Variants in ECRG4 observed in about 807,000 individuals in gnomAD.
ECRG4 encodes ECRG4 augurin precursor, also known as augurin.
ECRG4 carries 18 observed loss-of-function variants against 15.8 expected under a neutral mutation model. That is an observed-to-expected ratio of 1.14 (90% CI 0.79 to 1.69). The LOEUF is 1.69. Among genes scored for constraint, ECRG4 ranks in the 40% most tolerant of loss-of-function variants. The pLI is 0.00. For missense variants in ECRG4, 200 were observed against 190.9 expected (o/e 1.05, Z -0.28); for synonymous variants, 82 against 73.9 (o/e 1.11, Z -0.56).
chr2:106,077,747 C>T lies in ECRG4; in HGVS notation c.286-18C>T. ...GACCTTAAATCCATTCTCTATCATT[C>T]TCTCTCTTTTCCTCCAGAAATTTGA... On this transcript the variant is annotated intron_variant, in intron 3 of 3. Coordinates refer to ENST00000238044, the MANE Select transcript of ECRG4 (RefSeq NM_032411.3). The T allele has an allele frequency of 6.2e-7, 1 of 1,611,466 alleles. No homozygotes were observed. The highest frequency in any genetic ancestry group is 8.5e-7 in the Non-Finnish European group (1 of 1,177,946).
In ECRG4 at chr2:106,074,448, T is replaced by C. The variant is rs182450246; in HGVS notation, c.285+405T>C. 4.6e-5 allele frequency among the ~76,000 whole-genome samples: 7 copies of C among 152,274 alleles called. 1 individual carries two copies. Among genetic ancestry groups the C allele is most frequent in the Admixed American group, 4.6e-4 (7 of 15,304 alleles). On this transcript the variant is annotated intron_variant, in intron 3 of 3. Transcript: ENST00000238044. ...GAAACAACAGGGATGCCGGGATCTATGATGATAATGAAAAGAGATGAAAAG... is the reference window on the plus strand; with the variant it reads ...GAAACAACAGGGATGCCGGGATCTACGATGATAATGAAAAGAGATGAAAAG...
chr2:106,069,833 C>T (rs1281353574), intron 1 of ECRG4, among the ~76,000 whole-genome samples: 4 of 152,118 alleles, frequency 2.6e-5, no homozygotes, highest in African/African-American at 9.7e-5. Flanking sequence ...GATGGAACAG[C>T]GACAGGACAG....
chr2:106,075,634 A>C (rs756533948), intron 3 of ECRG4, among the ~76,000 whole-genome samples: 7 of 152,218 alleles, frequency 4.6e-5, no homozygotes, highest in Non-Finnish European at 7.3e-5. Flanking sequence ...AGACAGGAGA[A>C]TCCTTCGAAC....
intron 1 of ECRG4, chr2:106,070,905 C>T (rs913973286): frequency 4.5e-5 from 21 of 471,140 alleles, no homozygotes; most frequent in Middle Eastern, 3.2e-4. Flanking sequence ...TTGCTCTACT[C>T]ACTACTTACG....
At chr2:106,065,679 C>A, upstream of ECRG4, 3 of 1,073,154 alleles carry the variant, frequency 2.8e-6, no homozygotes, top group African/African-American at 1.7e-5. Flanking sequence ...GCCGCGCCTG[C>A]CCGCTCGCAC....
chr2:106,065,929 C>A, intron 1 of ECRG4, 86 bp downstream of exon 1: 2 of 1,220,622 alleles, frequency 1.6e-6, no homozygotes, highest in Non-Finnish European at 2.2e-6. Context: ...GGAGAGCGAT[C>A]GGTGATGGGG....
At chr2:106,073,529 T>C (rs549577153) in intron 2 of ECRG4, among the ~76,000 whole-genome samples, 2 of 152,320 alleles carry the variant, frequency 1.3e-5, no homozygotes, top group African/African-American at 4.8e-5. Flanking sequence ...ATATCCAGTC[T>C]GTTTCCTGAA....
chr2:106,078,098 T>G lies in ECRG4; in HGVS notation c.*172T>G, dbSNP rs1676524871. The stretch of plus-strand genomic sequence containing the variant: ...CAACACATGTAAATGCCTTTTGATA[T>G]TTCATGGGAATGCCTCTCATTTAAA... On this transcript the variant is annotated 3_prime_UTR_variant, in exon 4 of 4. Transcript: ENST00000238044. 2 of 472,000 alleles carry G rather than the reference T, an allele frequency of 4.2e-6. No homozygotes were observed. Among genetic ancestry groups the G allele is most frequent in the Non-Finnish European group, 7.1e-6 (2 of 282,332 alleles). The allele number at this position is 472,000 out of a possible 1,614,324, so 29.2% of individuals were successfully genotyped here.
chr2:106,071,689 C>T (rs867950739), intron 1 of ECRG4, among the ~76,000 whole-genome samples, 155 bp from the exon 2 acceptor site: 5 of 152,186 alleles, frequency 3.3e-5, no homozygotes, highest in African/African-American at 1.2e-4. Context: ...TCCTGCAGGA[C>T]AGGGAATACA....
Position 106,071,947 on chromosome 2 carries a change from G to A in ECRG4, c.127+56G>A, listed in dbSNP as rs1278516919. ...ATTCTTAACTGGATGGAAATGAAAT[G>A]GCAATATGGATTGTGCTCACTGGAG... is the stretch of plus-strand genomic sequence containing the variant. On this transcript the variant is annotated intron_variant, in intron 2 of 3. Coordinates refer to ENST00000238044, the MANE Select transcript of ECRG4 (RefSeq NM_032411.3). The A allele has an allele frequency of 6.2e-6, 9 of 1,443,134 alleles. No individual in the cohort carries two copies. The African/African-American group carries it at 1.1e-4, about 18-fold the overall frequency. 89.4% of individuals were successfully genotyped at this position (1,443,134 alleles called of 1,614,324 possible).
At chr2:106,074,156 A>G (rs1676433319) in intron 3 of ECRG4, 113 bp downstream of exon 3, 2 of 1,247,680 alleles carry the variant, frequency 1.6e-6, no homozygotes, top group Admixed American at 4.1e-5. Flanking sequence ...TCATTCCTAG[A>G]GTAAGAGCCC....
intron 1 of ECRG4, among the ~76,000 whole-genome samples, chr2:106,069,566 C>T (rs989536271): frequency 6.6e-6 from 1 of 152,220 alleles, no homozygotes; most frequent in African/African-American, 2.4e-5. Flanking sequence ...AACTCCTGAT[C>T]TCAGGCTATG....
At chr2:106,066,364 T>C (rs1471963628) in intron 1 of ECRG4, among the ~76,000 whole-genome samples, 3 of 152,330 alleles carry the variant, frequency 2.0e-5, no homozygotes, top group Non-Finnish European at 2.9e-5. Flanking sequence ...GCTTAATCTT[T>C]CCTGCTTCGT....
At position 106,074,232 on chromosome 2, in the gene ECRG4, A is replaced by G. The variant is rs2104797723; in HGVS notation, c.285+189A>G. ...CTATGGTGTAAGGGCGATGGCTGGA[A>G]GTTTCCACCAGGGTACATTCAGGAG... On this transcript the variant is annotated intron_variant, in intron 3 of 3. Transcript: ENST00000238044. The G allele has an allele frequency of 7.8e-6, 5 of 640,408 alleles. No individual in the cohort carries two copies. The East Asian group carries it at 1.4e-4, about 18-fold the overall frequency. The allele number at this position is 640,408 out of a possible 1,614,324, so 39.7% of individuals were successfully genotyped here. A position where few individuals can be genotyped will look rare whatever the true frequency, so the allele number is the denominator to read the frequency against.
intron 1 of ECRG4, 151 bp from the exon 2 acceptor site, chr2:106,071,693 G>A: frequency 4.9e-6 from 3 of 606,090 alleles, no homozygotes; most frequent in South Asian, 4.2e-5. Context: ...GCAGGACAGG[G>A]AATACAGCAA....
intron 1 of ECRG4, among the ~76,000 whole-genome samples, chr2:106,068,070 C>T (rs1676263785): frequency 6.6e-6 from 1 of 151,446 alleles, no homozygotes; most frequent in Non-Finnish European, 1.5e-5. Flanking sequence ...GTCTCGAACT[C>T]CTGGGCTCAA....
intron 1 of ECRG4, among the ~76,000 whole-genome samples, chr2:106,071,322 T>TAAGAAAAAAAAAAA (rs1676362590): frequency 1.3e-5 from 1 of 78,332 alleles, no homozygotes; most frequent in Non-Finnish European, 2.3e-5. Flanking sequence ...GGTAAGGCTG[T>TAAGAAAAAAAAAAA]AAAAAAAAAA....
At chr2:106,070,410 A>G (rs1676336619) in intron 1 of ECRG4, among the ~76,000 whole-genome samples, 1 of 152,216 alleles carries the variant, frequency 6.6e-6, no homozygotes, top group South Asian at 2.1e-4. Context: ...CAAATGCTAC[A>G]GGAGGCTAGT....
At chr2:106,075,948 A>G (rs1343764972) in intron 3 of ECRG4, among the ~76,000 whole-genome samples, 1 of 152,212 alleles carries the variant, frequency 6.6e-6, no homozygotes, top group Admixed American at 6.5e-5. Flanking sequence ...CTTAATCTAT[A>G]TTATTTCTGT....
Sources: gnomAD v4.1 joint callset for allele counts (sites outside exome capture counted in the v4.1 genomes callset) on GRCh38, gnomAD v4.1.1 for gene constraint, MANE v1.5 for transcripts, NCBI Gene and HGNC (gene_info 2026-07-23, HGNC 2026-07-21) for gene names.